The following CRHR1 variants were observed in gnomAD, a reference collection of about 807,000 sequenced individuals.
The protein encoded by CRHR1 is corticotropin-releasing hormone receptor 1.
In CRHR1, 28 loss-of-function variants were observed where a neutral mutation model predicts 56.0. That is an observed-to-expected ratio of 0.50 (90% CI 0.37 to 0.69). The LOEUF (loss-of-function observed/expected upper bound fraction) is 0.69, where lower values mean the gene tolerates loss of function less well. Among genes scored for constraint, CRHR1 ranks in the 30% least tolerant of loss-of-function variants. The pLI is 0.00. For missense variants in CRHR1, 376 were observed against 548.0 expected (o/e 0.69, Z 3.13); for synonymous variants, 195 against 216.5 (o/e 0.90, Z 0.87).
Position 45,784,656 on chromosome 17 carries a change from G to A in CRHR1, c.33+79G>A. The A allele has an allele frequency of 7.1e-7, 1 of 1,411,266 alleles. No individual in the cohort carries two copies. Among genetic ancestry groups the A allele is most frequent in the Non-Finnish European group, 9.4e-7 (1 of 1,060,982 alleles). The allele number at this position is 1,411,266 out of a possible 1,614,324, so 87.4% of individuals were successfully genotyped here. The stretch of plus-strand genomic sequence containing the variant: ...CGCGGGACGGGGCTGGGCTGTGGGT[G>A]TGATGGGGGCGGGGGCGCTGGGAGA... On this transcript the variant is annotated intron_variant, in intron 1 of 12. Transcript: ENST00000314537. The surrounding 1 kb of genome is among the most constrained non-coding windows in gnomAD (Gnocchi z 4.2).
rs1285539179 is a variant in CRHR1, at chr17:45,834,684, C to T, written c.1168C>T (p.Arg390Ter). The T allele has an allele frequency of 4.3e-6, 7 of 1,613,644 alleles. No individual in the cohort carries two copies. The highest frequency in any genetic ancestry group is 2.2e-5 in the East Asian group (1 of 44,850). ...RWQDKHSIRA[R>*]VARAMSIPTS... The stretch of plus-strand genomic sequence containing the variant: ...GCAGGACAAGCACTCGATCCGTGCC[C>T]GAGTGGCCCGTGCCATGTCCATCCC... The change falls in exon 13 of 13, where the codon CGA becomes TGA. Residue 390 changes from arginine to a stop codon, truncating the protein, a stop_gained. Transcript: ENST00000314537. LOFTEE classifies it high-confidence loss of function.
intron 2 of CRHR1, among the ~76,000 whole-genome samples, chr17:45,810,471 A>G (rs1045515067): frequency 6.6e-6 from 1 of 152,162 alleles, no homozygotes; most frequent in African/African-American, 2.4e-5. Flanking sequence ...CACACTAAGC[A>G]GTTACTAAGC....
Position 45,784,565 on chromosome 17 carries a change from C to G in CRHR1, c.21C>G (p.Leu7=). Residue 7 remains leucine (L), a synonymous_variant, in exon 1 of 13, where the codon CTC becomes CTG. Transcript: ENST00000314537. This position sits in a 1 kb window ranked among gnomAD's most constrained non-coding sequence, Gnocchi z 4.2. ...CGAGGATGGGAGGGCACCCGCAGCTCCGTCTCGTCAAGGTAACAGCCCGCC... is the reference window on the plus strand; with the variant it reads ...CGAGGATGGGAGGGCACCCGCAGCTGCGTCTCGTCAAGGTAACAGCCCGCC... MGGHPQ[L]RLVKALLLLG... is the part of the protein sequence containing the mutation. 5 of 1,554,782 alleles carry G rather than the reference C, an allele frequency of 3.2e-6. No individual in the cohort carries two copies. The highest frequency in any genetic ancestry group is 1.2e-5 in the South Asian group (1 of 84,448).
intron 10 of CRHR1, 21 bp from the exon 11 acceptor site, chr17:45,833,693 T>TGGGGGGGGGGGGGGCC: frequency 4.5e-6 from 7 of 1,571,610 alleles, no homozygotes; most frequent in Non-Finnish European, 5.2e-6. Context: ...ACTCCGAGCC[T>TGGGGGGGGGGGGGGCC]CCCCACCCGC....
At chr17:45,787,836 A>C (rs891974528) in intron 1 of CRHR1, among the ~76,000 whole-genome samples, 13 of 152,190 alleles carry the variant, frequency 8.5e-5, no homozygotes, top group Non-Finnish European at 1.8e-4. Context: ...GGCATGAGGA[A>C]CGCGAAACAG....
At chr17:45,798,902 T>C (rs1302807377) in intron 1 of CRHR1, among the ~76,000 whole-genome samples, 2 of 152,208 alleles carry the variant, frequency 1.3e-5, no homozygotes, top group Non-Finnish European at 1.5e-5. Context: ...AATGTAACAA[T>C]AAATTATTTC....
chr17:45,827,493 G>A (rs546507410), intron 4 of CRHR1, among the ~76,000 whole-genome samples: 15 of 152,302 alleles, frequency 9.8e-5, no homozygotes, highest in South Asian at 2.1e-4. Context: ...CAGAGCCTCC[G>A]GATTGGGGCA....
At chr17:45,817,971 C>G (rs1156998759) in intron 3 of CRHR1, among the ~76,000 whole-genome samples, 1 of 152,154 alleles carries the variant, frequency 6.6e-6, no homozygotes, top group Non-Finnish European at 1.5e-5. Flanking sequence ...GGTCGCAGAG[C>G]CTGGAGGCAG....
chr17:45,814,299 C>T (rs1057140857), intron 2 of CRHR1, among the ~76,000 whole-genome samples: 1 of 152,228 alleles, frequency 6.6e-6, no homozygotes, highest in African/African-American at 2.4e-5. Context: ...GTGTGCCTGG[C>T]ACACAGTCAG....
At chr17:45,820,268 G>A (rs2062013398) in intron 3 of CRHR1, among the ~76,000 whole-genome samples, 1 of 152,210 alleles carries the variant, frequency 6.6e-6, no homozygotes, top group African/African-American at 2.4e-5. Flanking sequence ...AAGGAAGCAT[G>A]TTTAGAGCTA....
At chr17:45,791,852 T>TCTCTCACACA (rs60388646) in intron 1 of CRHR1, among the ~76,000 whole-genome samples, 11 of 121,090 alleles carry the variant, frequency 9.1e-5, no homozygotes, top group Admixed American at 1.7e-4. Context: ...TCTCTCTCTC[T>TCTCTCACACA]CACACACACA....
In CRHR1 at chr17:45,834,824, C is replaced by A. The variant is rs1051253959; in HGVS notation, c.*60C>A. ...TGGCTGGGGGGATGACGGCCAGGCT[C>A]CCTGACCACCCTGCCTGTGGAGGTG... On this transcript the variant is annotated 3_prime_UTR_variant, in exon 13 of 13. Coordinates refer to ENST00000314537, the MANE Select transcript of CRHR1 (RefSeq NM_004382.5). 3 of 1,603,768 alleles carry A rather than the reference C, an allele frequency of 1.9e-6. No homozygotes were observed. In the African/African-American group the frequency reaches 4.0e-5, roughly 21 times the overall value.
chr17:45,830,698 C>T (rs1299144919), intron 7 of CRHR1, 128 bp downstream of exon 7: 19 of 1,281,538 alleles, frequency 1.5e-5, no homozygotes, highest in Admixed American at 2.3e-5. Context: ...AAGGTGTGCA[C>T]GATAGCCCTC....
At chr17:45,816,657 GA>G in intron 3 of CRHR1, 75 bp downstream of exon 3, 1 of 1,597,368 alleles carries the variant, frequency 6.3e-7, no homozygotes, top group Non-Finnish European at 8.5e-7. Flanking sequence ...GTGGGGGAAG[GA>G]AGAATGACGA....
chr17:45,831,902 G>A lies in CRHR1; in HGVS notation c.770+962G>A, dbSNP rs1197419169. ...ACGGCTTCATTGGGCTGAAAGAGGAGCCTGGAAGATTATCTTGCGTGTTTA... is the reference window on the plus strand; with the variant it reads ...ACGGCTTCATTGGGCTGAAAGAGGAACCTGGAAGATTATCTTGCGTGTTTA... On this transcript the variant is annotated intron_variant, in intron 8 of 12. Coordinates refer to ENST00000314537, the MANE Select transcript of CRHR1 (RefSeq NM_004382.5). Among the ~76,000 whole-genome samples the A allele has an allele frequency of 2.6e-5, 4 of 152,170 alleles. No individual in the cohort carries two copies. The East Asian group carries it at 7.7e-4, about 29-fold the overall frequency.
chr17:45,833,876 A>G (rs748502336), intron 11 of CRHR1, 27 bp downstream of exon 11: 72 of 1,612,102 alleles, frequency 4.5e-5, no homozygotes, highest in Non-Finnish European at 6.0e-5. Flanking sequence ...ACACATCAGC[A>G]CCTCCTTGGG....
chr17:45,830,740 C>G (rs1239652113), intron 7 of CRHR1, 140 bp from the exon 8 acceptor site: 1 of 1,171,436 alleles, frequency 8.5e-7, no homozygotes, highest in African/African-American at 1.5e-5. Flanking sequence ...GCAGTAGAAG[C>G]ACCTTGAAGG....
intron 1 of CRHR1, among the ~76,000 whole-genome samples, chr17:45,796,853 G>A (rs1178673931): frequency 1.3e-5 from 2 of 152,214 alleles, no homozygotes; most frequent in African/African-American, 4.8e-5. Context: ...GACAGGGAGA[G>A]AGCAAGATGG....
intron 2 of CRHR1, among the ~76,000 whole-genome samples, chr17:45,815,894 T>C (rs117646503): frequency 0.14 from 21,798 of 152,216 alleles, 2,127 homozygotes; most frequent in Non-Finnish European, 0.22. Flanking sequence ...AAAGTACACG[T>C]GACGTATGGT....
Sources: allele counts gnomAD v4.1 joint callset (sites outside exome capture counted in the v4.1 genomes callset), GRCh38; gene constraint gnomAD v4.1.1; non-coding constraint Gnocchi (gnomAD v3.1); transcripts MANE v1.5; gene names NCBI Gene and HGNC (gene_info 2026-07-23, HGNC 2026-07-21).